The following MYH9 variants were observed in gnomAD, a reference collection of about 807,000 sequenced individuals.
MYH9 encodes myosin heavy chain 9, also known as myosin-9.
A neutral mutation model predicts 241.9 loss-of-function variants in MYH9; 29 were observed. The ratio of observed to expected loss-of-function variants is 0.12; its 90% CI spans 0.09 to 0.16. The LOEUF (loss-of-function observed/expected upper bound fraction) is 0.16. Among genes scored for constraint, MYH9 ranks in the 10% least tolerant of loss-of-function variants. MYH9 has a pLI of 1.00. For synonymous variants in MYH9, 1,047 were observed against 1,062.6 expected (o/e 0.99, Z 0.29); for missense variants, 1,803 against 2,595.5 (o/e 0.69, Z 6.63).
chr22:36,345,141 T>C (rs1042738645), intron 2 of MYH9, among the ~76,000 whole-genome samples: 1 of 151,792 alleles, frequency 6.6e-6, no homozygotes, highest in Non-Finnish European at 1.5e-5. Flanking sequence ...TGAAACCCCG[T>C]CTCCACTAAA....
chr22:36,368,899 C>T (rs553598305), intron 1 of MYH9, among the ~76,000 whole-genome samples: 1 of 122,734 alleles, frequency 8.1e-6, no homozygotes, highest in South Asian at 2.5e-4. Context: ...GTGTAAAAGC[C>T]AGAAGTAAGG....
intron 3 of MYH9, among the ~76,000 whole-genome samples, chr22:36,328,346 T>G (rs1418935963): frequency 2.0e-5 from 3 of 152,240 alleles, no homozygotes; most frequent in Non-Finnish European, 4.4e-5. Flanking sequence ...CCAGAAACAC[T>G]AAGGCATCCT....
rs1001258445 is a variant in MYH9, at chr22:36,282,614, G to T, written c.*54C>A. ...AGAGGCGTGCTGCGGGGTCTGGGAA[G>T]GGGAGGCTGTGGTGTCTGTCTGTCC... is the stretch of plus-strand genomic sequence containing the variant. On this transcript the variant is annotated 3_prime_UTR_variant, in exon 41 of 41. Transcript: ENST00000216181. 2.6e-6 allele frequency: 4 copies of T among 1,533,264 alleles called. No individual in the cohort carries two copies. The African/African-American group carries it at 5.5e-5, about 21-fold the overall frequency. The allele number at this position is 1,533,264 out of a possible 1,614,324, so 95.0% of individuals were successfully genotyped here. A position where few individuals can be genotyped will look rare whatever the true frequency, so the allele number is the denominator to read the frequency against.
chr22:36,374,878 G>C (rs2018142850), intron 1 of MYH9, among the ~76,000 whole-genome samples: 1 of 152,158 alleles, frequency 6.6e-6, no homozygotes, highest in African/African-American at 2.4e-5. Context: ...GCCTGCGTCT[G>C]GGCAACTGAA....
Position 36,298,827 on chromosome 22 carries a change from G to T in MYH9, c.3100+92C>A, listed in dbSNP as rs559557621. On this transcript the variant is annotated intron_variant, in intron 24 of 40. Coordinates refer to ENST00000216181, the MANE Select transcript of MYH9 (RefSeq NM_002473.6). Reference sequence around the variant, plus strand: ...CCAGGCTCACCCGTGAGCTGAGAAGGCCTCGGTGTTCCGGTCAGACAGGCC... The same window carrying T: ...CCAGGCTCACCCGTGAGCTGAGAAGTCCTCGGTGTTCCGGTCAGACAGGCC... 2.2e-5 allele frequency: 35 copies of T among 1,576,698 alleles called. No individual in the cohort carries two copies. In the South Asian group the frequency reaches 2.7e-4, roughly 12 times the overall value.
rs779087270 is a variant in MYH9, at chr22:36,288,228, C to CACCTGGGCCCCGCCCACCCTT, written c.4932+3_4932+23dup. ...GGCTCAGTCGGGTGCCGCCCACCCT[C>CACCTGGGCCCCGCCCACCCTT]ACCTGGGCCCCGCCCACCCTTACCT... On this transcript the variant is annotated intron_variant, in intron 34 of 40. Coordinates refer to ENST00000216181, the MANE Select transcript of MYH9 (RefSeq NM_002473.6). The surrounding 1 kb of genome is among the most constrained non-coding windows in gnomAD (Gnocchi z 4.8). 5 of 1,612,838 alleles carry CACCTGGGCCCCGCCCACCCTT rather than the reference C, an allele frequency of 3.1e-6. No homozygotes were observed. The South Asian group carries it at 5.5e-5, about 18-fold the overall frequency.
intron 6 of MYH9, among the ~76,000 whole-genome samples, chr22:36,322,218 A>C (rs2017265432): frequency 6.6e-6 from 1 of 152,236 alleles, no homozygotes; most frequent in South Asian, 2.1e-4. Context: ...GAGGCTGAAG[A>C]AGCTACTCGT....
At chr22:36,374,336 A>G (rs748931888) in intron 1 of MYH9, among the ~76,000 whole-genome samples, 1 of 152,196 alleles carries the variant, frequency 6.6e-6, no homozygotes, top group Non-Finnish European at 1.5e-5. Flanking sequence ...CCTGGCCAAC[A>G]TGACAAAACC....
chr22:36,322,560 G>A lies in MYH9; in HGVS notation c.613-39C>T, dbSNP rs373410395. Reference sequence around the variant, plus strand: ...AGGGACGCAGTGAAGGCCGGGCAGCGACCTGGGCTGCCGAGCCTGCCCTGC... The same window carrying A: ...AGGGACGCAGTGAAGGCCGGGCAGCAACCTGGGCTGCCGAGCCTGCCCTGC... On this transcript the variant is annotated intron_variant, in intron 5 of 40. Transcript: ENST00000216181. 9.3e-5 allele frequency: 148 copies of A among 1,597,508 alleles called. 2 individuals carry two copies. The South Asian group carries it at 1.1e-3, about 12-fold the overall frequency.
At chr22:36,347,289 ACT>A (rs1300638072) in intron 2 of MYH9, among the ~76,000 whole-genome samples, 5 of 151,354 alleles carry the variant, frequency 3.3e-5, no homozygotes, top group African/African-American at 7.3e-5. Context: ...TGCTCTCTGG[ACT>A]CTCAATACAC....
intron 1 of MYH9, among the ~76,000 whole-genome samples, chr22:36,365,944 T>C (rs1169996035): frequency 1.3e-5 from 2 of 152,094 alleles, no homozygotes; most frequent in Admixed American, 6.5e-5. Context: ...ATCCAGGCGC[T>C]TTGGGAGGCT....
Position 36,284,260 on chromosome 22 carries a change from G to A in MYH9, c.5598C>T (p.Asp1866=). Residue 1866 remains aspartate (D), a synonymous_variant, in exon 40 of 41, where the codon GAC becomes GAT. Coordinates refer to ENST00000216181, the MANE Select transcript of MYH9 (RefSeq NM_002473.6). ...RNAEQYKDQA[D]KASTRLKQLK... ...GCTGCTTCAGGCGGGTAGATGCCTT[G>A]TCGGCCTGCGGAGATGGACGTGTGG... 1 of 1,610,224 alleles carries A rather than the reference G, an allele frequency of 6.2e-7. No individual in the cohort carries two copies. Among genetic ancestry groups the A allele is most frequent in the Middle Eastern group, 1.7e-4 (1 of 6,056 alleles).
At chr22:36,287,893 G>T (rs1042364409) in intron 34 of MYH9, among the ~76,000 whole-genome samples, 7 of 152,214 alleles carry the variant, frequency 4.6e-5, no homozygotes, top group Admixed American at 3.3e-4. Flanking sequence ...GCTGCTTCTT[G>T]GAACCATCGC....
intron 1 of MYH9, among the ~76,000 whole-genome samples, chr22:36,370,815 T>C (rs554643840): frequency 2.3e-4 from 32 of 139,960 alleles, no homozygotes; most frequent in South Asian, 4.9e-4. Flanking sequence ...GAGAGCAAAG[T>C]GGGACAAAAG....
At chr22:36,345,816 T>C (rs937310864) in intron 2 of MYH9, among the ~76,000 whole-genome samples, 3 of 152,194 alleles carry the variant, frequency 2.0e-5, no homozygotes, top group African/African-American at 7.2e-5. Flanking sequence ...AGTTCCTTGC[T>C]ATCTCTGGGC....
At chr22:36,313,057 T>C (rs1385738505) in intron 13 of MYH9, among the ~76,000 whole-genome samples, 1 of 148,684 alleles carries the variant, frequency 6.7e-6, no homozygotes, top group African/African-American at 2.5e-5. Context: ...GCCATTGCAC[T>C]CCAGCCTGGG....
At chr22:36,299,116 C>T (rs1041752729) in intron 23 of MYH9, 74 bp from the exon 24 acceptor site, 22 of 1,602,814 alleles carry the variant, frequency 1.4e-5, no homozygotes, top group Non-Finnish European at 1.7e-5. Flanking sequence ...AAGCATGACT[C>T]GCCCGGAAAT....
intron 1 of MYH9, among the ~76,000 whole-genome samples, chr22:36,371,029 G>A (rs767035025): frequency 4.6e-5 from 7 of 152,086 alleles, no homozygotes; most frequent in South Asian, 2.1e-4. Context: ...TTAAACAACC[G>A]GTAGAGCACC....
chr22:36,336,788 T>TG (rs2017506796), intron 3 of MYH9, among the ~76,000 whole-genome samples: 1 of 152,232 alleles, frequency 6.6e-6, no homozygotes, highest in Non-Finnish European at 1.5e-5. Flanking sequence ...GGCTCAGTCG[T>TG]GCTGGCGCAG....
Sources: allele counts gnomAD v4.1 joint callset (sites outside exome capture counted in the v4.1 genomes callset), GRCh38; gene constraint gnomAD v4.1.1; non-coding constraint Gnocchi (gnomAD v3.1); transcripts MANE v1.5; gene names NCBI Gene and HGNC (gene_info 2026-07-23, HGNC 2026-07-21).